The following SUPT3H variants were observed in gnomAD, a reference collection of about 807,000 sequenced individuals.
SUPT3H encodes SPT3 homolog, SAGA and STAGA complex component.
SUPT3H carries 44 observed loss-of-function variants against 44.3 expected under a neutral mutation model. That is an observed-to-expected ratio of 0.99 (90% CI 0.78 to 1.28). The LOEUF (loss-of-function observed/expected upper bound fraction) is 1.28, where lower values mean the gene tolerates loss of function less well. SUPT3H is among the 50% of genes most tolerant of loss of function. The pLI is 0.00. For missense variants in SUPT3H, 380 were observed against 387.1 expected, an observed-to-expected ratio of 0.98 and a Z score of 0.15; for synonymous variants, 124 against 125.6, an observed-to-expected ratio of 0.99 and a Z score of 0.09.
chr6:45,256,696 T>C (rs866413524), intron 2 of SUPT3H, among the ~76,000 whole-genome samples: 4 of 152,140 alleles, frequency 2.6e-5, no homozygotes, highest in Admixed American at 2.6e-4. Context: ...AGTAAAATAA[T>C]ATAGTGACTG....
chr6:45,217,408 G>C (rs989990509), intron 2 of SUPT3H, among the ~76,000 whole-genome samples: 2 of 151,942 alleles, frequency 1.3e-5, no homozygotes, highest in African/African-American at 4.8e-5. Context: ...CCAGGAGGCG[G>C]AGGCTGCAGT....
intron 3 of SUPT3H, among the ~76,000 whole-genome samples, chr6:45,070,351 A>G (rs577006004): frequency 6.6e-6 from 1 of 152,302 alleles, no homozygotes; most frequent in African/African-American, 2.4e-5. Flanking sequence ...ACCCAAAGCC[A>G]ATTTGGAAAC....
At chr6:44,995,585 C>T (rs1026822978) in intron 6 of SUPT3H, among the ~76,000 whole-genome samples, 3 of 152,032 alleles carry the variant, frequency 2.0e-5, no homozygotes, top group African/African-American at 7.2e-5. Flanking sequence ...ATCAATGGTA[C>T]ATCTTTTTGC....
At chr6:45,346,433 T>C (rs574888572) in intron 2 of SUPT3H, among the ~76,000 whole-genome samples, 1 of 152,080 alleles carries the variant, frequency 6.6e-6, no homozygotes, top group South Asian at 2.1e-4. Flanking sequence ...AGCACAGAGA[T>C]ACAATACAGT....
At chr6:45,097,401 A>T (rs950990995) in intron 3 of SUPT3H, 8 of 152,254 alleles carry the variant, frequency 5.3e-5, no homozygotes, top group African/African-American at 1.7e-4. Context: ...ATGACGGCTC[A>T]CAATTTCTTG....
chr6:44,862,975 C>T (rs1438965846), intron 10 of SUPT3H, among the ~76,000 whole-genome samples: 1 of 152,140 alleles, frequency 6.6e-6, no homozygotes, highest in Non-Finnish European at 1.5e-5. Context: ...AGAAAGGAGT[C>T]TCCACAAGGT....
chr6:45,177,670 A>G (rs1370538098), intron 2 of SUPT3H, among the ~76,000 whole-genome samples: 1 of 151,250 alleles, frequency 6.6e-6, no homozygotes, highest in African/African-American at 2.4e-5. Context: ...AGCCACAGAG[A>G]AAGGTCGGGT....
chr6:44,853,811 T>G (rs1179189040), intron 10 of SUPT3H, among the ~76,000 whole-genome samples: 5 of 152,012 alleles, frequency 3.3e-5, no homozygotes, highest in African/African-American at 1.2e-4. Context: ...TTTGCTTTAT[T>G]ATGCTGGTAA....
At chr6:45,249,154 C>A (rs924479571) in intron 2 of SUPT3H, among the ~76,000 whole-genome samples, 5 of 152,090 alleles carry the variant, frequency 3.3e-5, no homozygotes, top group East Asian at 1.9e-4. Context: ...AAGAATATTT[C>A]ATTTAAATAG....
chr6:45,297,587 T>C (rs1322730100), intron 2 of SUPT3H, among the ~76,000 whole-genome samples: 8 of 152,216 alleles, frequency 5.3e-5, no homozygotes, highest in Admixed American at 5.2e-4. Context: ...TTATTTTAAA[T>C]CTGAGCTCAT....
chr6:44,940,722 GTT>G (rs1772269057), intron 9 of SUPT3H, among the ~76,000 whole-genome samples: 1 of 152,054 alleles, frequency 6.6e-6, no homozygotes, highest in East Asian at 1.9e-4. Flanking sequence ...AGTAATATTT[GTT>G]TCATGAATCT....
At chr6:45,124,939 G>C (rs972744745) in intron 2 of SUPT3H, among the ~76,000 whole-genome samples, 2 of 152,096 alleles carry the variant, frequency 1.3e-5, no homozygotes, top group Non-Finnish European at 2.9e-5. Context: ...CACACACAGA[G>C]GGAAGGCAAT....
intron 2 of SUPT3H, among the ~76,000 whole-genome samples, chr6:45,227,722 T>C (rs556758555): frequency 1.3e-5 from 2 of 152,202 alleles, no homozygotes; most frequent in South Asian, 4.1e-4. Context: ...AACAATAAGA[T>C]TCAAAGGTAG....
intron 3 of SUPT3H, among the ~76,000 whole-genome samples, chr6:45,053,875 A>T (rs1164171447): frequency 6.7e-6 from 1 of 148,416 alleles, no homozygotes; most frequent in Non-Finnish European, 1.5e-5. Flanking sequence ...AGGTCACGCC[A>T]CTGCACTCCA....
chr6:45,079,348 G>T (rs1367218623), intron 3 of SUPT3H, among the ~76,000 whole-genome samples: 1 of 148,600 alleles, frequency 6.7e-6, no homozygotes, highest in Non-Finnish European at 1.5e-5. Flanking sequence ...CAAAAAGGAA[G>T]AAAAAGAAAG....
intron 2 of SUPT3H, among the ~76,000 whole-genome samples, chr6:45,137,600 A>T (rs1451422154): frequency 6.6e-6 from 1 of 151,996 alleles, no homozygotes; most frequent in Non-Finnish European, 1.5e-5. Context: ...TCTGCAGCAG[A>T]TTATAACAAA....
At chr6:44,998,513 T>C (rs1781565367) in intron 6 of SUPT3H, among the ~76,000 whole-genome samples, 2 of 151,916 alleles carry the variant, frequency 1.3e-5, no homozygotes, top group South Asian at 4.1e-4. Flanking sequence ...AATGATAAAT[T>C]GTGGTCTTCT....
chr6:44,962,432 G>A (rs1276717700), intron 6 of SUPT3H, among the ~76,000 whole-genome samples: 1 of 152,064 alleles, frequency 6.6e-6, no homozygotes, highest in Admixed American at 6.5e-5. Flanking sequence ...ACAAGAGGTA[G>A]GATAATTATA....
At chr6:44,907,025 A>T (rs1360970165) in intron 10 of SUPT3H, among the ~76,000 whole-genome samples, 1 of 152,194 alleles carries the variant, frequency 6.6e-6, no homozygotes, top group African/African-American at 2.4e-5. Flanking sequence ...CTGTGTCATT[A>T]CCTTGATGAT....
Sources: allele counts gnomAD v4.1 joint callset (sites outside exome capture counted in the v4.1 genomes callset), GRCh38; gene constraint gnomAD v4.1.1; transcripts MANE v1.5; gene names NCBI Gene and HGNC (gene_info 2026-07-23, HGNC 2026-07-21).